Variants in PCDHGB5 observed in about 807,000 individuals in gnomAD.
The protein encoded by PCDHGB5 is protocadherin gamma-B5.
In PCDHGB5, 48 loss-of-function variants were observed where a neutral mutation model predicts 62.9. That is an observed-to-expected ratio of 0.76 (90% CI 0.61 to 0.97). The LOEUF (loss-of-function observed/expected upper bound fraction) is 0.97, where lower values mean the gene tolerates loss of function less well. Ranked by LOEUF, PCDHGB5 falls within the 50% of genes least tolerant of loss-of-function variation. The pLI, the probability that PCDHGB5 is intolerant of heterozygous loss-of-function variation, is 0.00. For missense variants in PCDHGB5, 1,118 were observed against 1,198.6 expected, an observed-to-expected ratio of 0.93 and a Z score of 0.99; for synonymous variants, 474 against 511.2, an observed-to-expected ratio of 0.93 and a Z score of 0.98.
chr5:141,446,988 C>T (rs548721486), intron 1 of PCDHGB5, among the ~76,000 whole-genome samples: 1 of 152,154 alleles, frequency 6.6e-6, no homozygotes, highest in Non-Finnish European at 1.5e-5. Flanking sequence ...TCATACTCCA[C>T]TCTTCAGACT....
At chr5:141,478,625 T>A in intron 1 of PCDHGB5, 3 of 1,554,218 alleles carry the variant, frequency 1.9e-6, no homozygotes, top group Non-Finnish European at 2.6e-6. Context: ...ATGGAGCTGT[T>A]TTTTTAGTGA....
At chr5:141,401,417 G>A (rs1404967672) in intron 1 of PCDHGB5, among the ~76,000 whole-genome samples, 1 of 152,136 alleles carries the variant, frequency 6.6e-6, no homozygotes, top group Non-Finnish European at 1.5e-5. Flanking sequence ...GAAAGAGAGA[G>A]ACTGATTCAC....
chr5:141,498,807 C>T (rs113587634), intron 2 of PCDHGB5, among the ~76,000 whole-genome samples: 5,552 of 152,138 alleles, frequency 0.036, 136 homozygotes, highest in South Asian at 0.073. Context: ...GTGGTGCACA[C>T]CTGTAGTCCC....
intron 1 of PCDHGB5, among the ~76,000 whole-genome samples, chr5:141,472,815 C>T (rs1562036829): frequency 1.3e-5 from 2 of 151,596 alleles, no homozygotes; most frequent in East Asian, 1.9e-4. Flanking sequence ...GAGAAACCCC[C>T]GTCTCTACTA....
chr5:141,430,926 C>A (rs145535410), intron 1 of PCDHGB5: 4 of 1,607,308 alleles, frequency 2.5e-6, no homozygotes, highest in African/African-American at 1.3e-5. Context: ...GGGCTGGAGC[C>A]CCGGGAGCTC....
intron 1 of PCDHGB5, chr5:141,403,279 G>C (rs779882720): frequency 6.2e-7 from 1 of 1,613,900 alleles, no homozygotes. Flanking sequence ...TTAAAGTCCT[G>C]GTTGAAGACA....
intron 1 of PCDHGB5, chr5:141,415,772 T>TTTA (rs1561760673): frequency 5.3e-6 from 7 of 1,332,980 alleles, no homozygotes; most frequent in Non-Finnish European, 6.7e-6. Flanking sequence ...TTTTTTTTTT[T>TTTA]ACTTTCTGGT....
intron 1 of PCDHGB5, chr5:141,415,388 G>T: frequency 6.2e-7 from 1 of 1,614,236 alleles, no homozygotes; most frequent in Non-Finnish European, 8.5e-7. Context: ...GGCTTGACAG[G>T]TGTGTCCGGC....
At chr5:141,506,213 A>G (rs2154593866) in intron 3 of PCDHGB5, among the ~76,000 whole-genome samples, 1 of 152,204 alleles carries the variant, frequency 6.6e-6, no homozygotes, top group South Asian at 2.1e-4. Flanking sequence ...CACTTTGGGA[A>G]GCTGAGGCAG....
intron 1 of PCDHGB5, among the ~76,000 whole-genome samples, chr5:141,461,046 G>A (rs984653754): frequency 6.6e-6 from 1 of 151,578 alleles, no homozygotes; most frequent in Non-Finnish European, 1.5e-5. Context: ...AGTCGATGGG[G>A]ACTTAGGTTG....
At chr5:141,415,153 G>A in intron 1 of PCDHGB5, 4 of 1,613,780 alleles carry the variant, frequency 2.5e-6, no homozygotes, top group South Asian at 2.2e-5. Flanking sequence ...CCCTCTCTCC[G>A]CCACTGTCAC....
In PCDHGB5 at chr5:141,400,399, A is replaced by G; in HGVS notation, c.2272A>G (p.Thr758Ala). 1 of 1,614,054 alleles carries G rather than the reference A, an allele frequency of 6.2e-7. No homozygotes were observed. Among genetic ancestry groups the G allele is most frequent in the Non-Finnish European group, 8.5e-7 (1 of 1,179,902 alleles). ...CCTATGTGTTGCACATACAGGAAAG[A>G]CGGAGTTTAATTTCCTAAAATGTAG... ...YNLCVAHTGK[T>A]EFNFLKCSEQ... Residue 758 changes from threonine to alanine, a missense_variant, in exon 1 of 4, where the codon ACG (threonine) becomes GCG (alanine). This residue lies in a region of PCDHGB5 where 1,034 missense variants were observed against 1,029.1 expected (regional missense o/e 1.00). Coordinates refer to ENST00000617380, the MANE Select transcript of PCDHGB5 (RefSeq NM_018925.3).
intron 1 of PCDHGB5, chr5:141,403,328 A>G: frequency 1.8e-5 from 29 of 1,613,998 alleles, no homozygotes; most frequent in Non-Finnish European, 2.4e-5. Context: ...AGTAACTGAT[A>G]TTAACGACAG....
In PCDHGB5 at chr5:141,486,247, C is replaced by T. The variant is rs935513223; in HGVS notation, c.2398-8560C>T. The T allele has an allele frequency of 2.5e-6, 4 of 1,614,014 alleles. No homozygotes were observed. The African/African-American group carries it at 5.3e-5, about 22-fold the overall frequency. On this transcript the variant is annotated intron_variant, in intron 1 of 3. Transcript: ENST00000617380. This position sits in a 1 kb window ranked among gnomAD's most constrained non-coding sequence, Gnocchi z 5.0. Reference sequence around the variant, plus strand: ...TCACAGTGACCTCAGAGCTTGGAACCCTCCCCGAGAGTGCAGAACCTGGCA... The same window carrying T: ...TCACAGTGACCTCAGAGCTTGGAACTCTCCCCGAGAGTGCAGAACCTGGCA...
chr5:141,489,222 A>C lies in PCDHGB5; in HGVS notation c.2398-5585A>C. On this transcript the variant is annotated intron_variant, in intron 1 of 3. Coordinates refer to ENST00000617380, the MANE Select transcript of PCDHGB5 (RefSeq NM_018925.3). The surrounding 1 kb of genome is among the most constrained non-coding windows in gnomAD (Gnocchi z 4.5). ...ACAGGACAGCACAGACTTACTCTCC[A>C]CAAAGGGACTTCTGGGTCATGGGGC... 6.6e-7 allele frequency: 1 copy of C among 1,515,652 alleles called. No individual in the cohort carries two copies. Among genetic ancestry groups the C allele is most frequent in the Middle Eastern group, 1.8e-4 (1 of 5,598 alleles). 93.9% of individuals were successfully genotyped at this position (1,515,652 alleles called of 1,614,324 possible).
rs566635689 is a variant in PCDHGB5, at chr5:141,469,738, C to G, written c.2398-25069C>G. ...AGGAATTTATCATAAATACACACCT[C>G]AAAAATTACAAAAATACATATATAC... is the stretch of plus-strand genomic sequence containing the variant. On this transcript the variant is annotated intron_variant, in intron 1 of 3. Transcript: ENST00000617380. 6.7e-4 allele frequency among the ~76,000 whole-genome samples: 102 copies of G among 152,292 alleles called. 2 individuals are homozygous for G. Among genetic ancestry groups the G allele is most frequent in the African/African-American group, 2.4e-3 (99 of 41,552 alleles).
At chr5:141,423,033 C>A (rs2096701827) in intron 1 of PCDHGB5, 2 of 1,614,102 alleles carry the variant, frequency 1.2e-6, no homozygotes, top group Non-Finnish European at 1.7e-6. Flanking sequence ...CAGGCCAGAA[C>A]GCCTGGCTGT....
Position 141,432,856 on chromosome 5 carries a change from G to A in PCDHGB5, c.2397+32332G>A, listed in dbSNP as rs773243805. 8.7e-6 allele frequency: 14 copies of A among 1,614,024 alleles called. No homozygotes were observed. The highest frequency in any genetic ancestry group is 1.3e-5 in the African/African-American group (1 of 74,908). ...TGTACCTGGTGGTAGCGGTGGCCGC[G>A]GTCTCCTGCGTCTTCCTGGCCTTCG... On this transcript the variant is annotated intron_variant, in intron 1 of 3. Coordinates refer to ENST00000617380, the MANE Select transcript of PCDHGB5 (RefSeq NM_018925.3). The surrounding 1 kb of genome is among the most constrained non-coding windows in gnomAD (Gnocchi z 6.0).
intron 1 of PCDHGB5, chr5:141,415,772 T>TTA: frequency 7.5e-7 from 1 of 1,332,978 alleles, no homozygotes; most frequent in Non-Finnish European, 9.6e-7. Flanking sequence ...TTTTTTTTTT[T>TTA]ACTTTCTGGT....
Sources: gnomAD v4.1 joint callset for allele counts (sites outside exome capture counted in the v4.1 genomes callset) on GRCh38, gnomAD v4.1.1 for gene constraint, gnomAD v4.1.1 regional missense constraint, Gnocchi (gnomAD v3.1) non-coding constraint, MANE v1.5 for transcripts, NCBI Gene and HGNC (gene_info 2026-07-23, HGNC 2026-07-21) for gene names.